PRKCZ: variants seen among roughly 807,000 people sequenced by gnomAD.
The protein encoded by PRKCZ is protein kinase C zeta type.
In PRKCZ, 33 loss-of-function variants were observed where a neutral mutation model predicts 79.5. The observed-to-expected ratio is 0.41, with a 90% CI of 0.31 to 0.55. The LOEUF (loss-of-function observed/expected upper bound fraction) is 0.55. Ranked by LOEUF, PRKCZ falls within the 20% of genes least tolerant of loss-of-function variation. The pLI is 0.19. For synonymous variants in PRKCZ, 342 were observed against 320.9 expected (o/e 1.07, Z -0.70); for missense variants, 578 against 813.5 (o/e 0.71, Z 3.52).
At chr1:2,109,148 C>G (rs916708935) in intron 4 of PRKCZ, among the ~76,000 whole-genome samples, 1 of 152,220 alleles carries the variant, frequency 6.6e-6, no homozygotes, top group Non-Finnish European at 1.5e-5. Flanking sequence ...GTCCCGTATG[C>G]CACGGAAGGT....
At position 2,050,617 on chromosome 1, in the gene PRKCZ, G is replaced by A. The variant is rs1288842172; in HGVS notation, c.-14G>A. The stretch of plus-strand genomic sequence containing the variant: ...CCCGGGGCGCAGCGCTGACGGCGGC[G>A]GGGGGAGCGCGCCATGCCCAGCAGG... On this transcript the variant is annotated 5_prime_UTR_variant, in exon 1 of 18. Transcript: ENST00000378567. 1 of 1,218,518 alleles carries A rather than the reference G, an allele frequency of 8.2e-7. No individual in the cohort carries two copies. The highest frequency in any genetic ancestry group is 1.6e-5 in the African/African-American group (1 of 63,786). 75.5% of individuals were successfully genotyped at this position (1,218,518 alleles called of 1,614,324 possible). A position where few individuals can be genotyped will look rare whatever the true frequency, so the allele number is the denominator to read the frequency against.
At chr1:2,160,365 CAGG>C (rs766976883) in intron 10 of PRKCZ, among the ~76,000 whole-genome samples, 1 of 152,044 alleles carries the variant, frequency 6.6e-6, no homozygotes, top group Non-Finnish European at 1.5e-5. Context: ...TCACCAGCGT[CAGG>C]AGGCGTGGCA....
intron 4 of PRKCZ, among the ~76,000 whole-genome samples, chr1:2,102,120 T>G (rs1311265103): frequency 1.3e-5 from 2 of 152,068 alleles, no homozygotes; most frequent in Non-Finnish European, 2.9e-5. Context: ...ACTTCCATAC[T>G]GGGGGCCAGG....
At chr1:2,122,966 T>C (rs371016022) in intron 4 of PRKCZ, among the ~76,000 whole-genome samples, 6 of 91,102 alleles carry the variant, frequency 6.6e-5, no homozygotes, top group East Asian at 3.6e-4. Flanking sequence ...GTTAGGGTCA[T>C]GGTGGTGGTT....
chr1:2,090,441 G>T (rs1199951306), intron 4 of PRKCZ, among the ~76,000 whole-genome samples: 1 of 152,176 alleles, frequency 6.6e-6, no homozygotes, highest in East Asian at 1.9e-4. Flanking sequence ...CCCGTGCCCT[G>T]TGTCCCCACA....
In PRKCZ at chr1:2,173,989, A is replaced by G. The variant is rs779822929; in HGVS notation, c.1378A>G (p.Met460Val). The stretch of plus-strand genomic sequence containing the variant: ...CGACATCATCACCGACAACCCGGAC[A>G]TGAACACAGAGGACTACCTTTTCCA... Reference protein sequence around the residue: ...PFDIITDNPDMNTEDYLFQVI... With the variant: ...PFDIITDNPDVNTEDYLFQVI... The change falls in exon 14 of 18, where the codon ATG (methionine) becomes GTG (valine). Residue 460 changes from methionine to valine, a missense_variant. Transcript: ENST00000378567. The surrounding 1 kb of genome is among the most constrained non-coding windows in gnomAD (Gnocchi z 5.7). 4.3e-6 allele frequency: 7 copies of G among 1,612,340 alleles called. No individual in the cohort carries two copies. Among genetic ancestry groups the G allele is most frequent in the East Asian group, 4.5e-5 (2 of 44,774 alleles).
chr1:2,054,169 G>A (rs2102204003), intron 1 of PRKCZ, among the ~76,000 whole-genome samples: 1 of 152,352 alleles, frequency 6.6e-6, no homozygotes, highest in South Asian at 2.1e-4. Flanking sequence ...TTGATGGGGA[G>A]CCAGCAGTGT....
At chr1:2,090,056 C>T (rs559023468) in intron 4 of PRKCZ, among the ~76,000 whole-genome samples, 17 of 152,306 alleles carry the variant, frequency 1.1e-4, no homozygotes, top group African/African-American at 3.6e-4. Context: ...CCTTCCTCCC[C>T]GTGCGGCCGT....
intron 4 of PRKCZ, among the ~76,000 whole-genome samples, chr1:2,122,200 TGGTGGTTAGGGTCGTGGC>T (rs1161120875): frequency 8.7e-5 from 1 of 11,544 alleles, no homozygotes; most frequent in Non-Finnish European, 1.3e-4. Context: ...GTTAGGGTGG[TGGTGGTTAGGGTCGTGGC>T]GGTGGTTAGG....
intron 4 of PRKCZ, among the ~76,000 whole-genome samples, chr1:2,109,491 A>C (rs1669283000): frequency 6.6e-6 from 1 of 152,168 alleles, no homozygotes; most frequent in African/African-American, 2.4e-5. Flanking sequence ...GTGAATATTA[A>C]ACATGTGGAT....
At chr1:2,095,453 G>A (rs1200085791) in intron 4 of PRKCZ, among the ~76,000 whole-genome samples, 1 of 152,154 alleles carries the variant, frequency 6.6e-6, no homozygotes, top group African/African-American at 2.4e-5. Context: ...GGTGCCCACC[G>A]AGGGCCCAGG....
Position 2,174,979 on chromosome 1 carries a change from C to A in PRKCZ, c.1485+146C>A. On this transcript the variant is annotated intron_variant, in intron 15 of 17. Transcript: ENST00000378567. This position sits in a 1 kb window ranked among gnomAD's most constrained non-coding sequence, Gnocchi z 6.2. ...GATTTTCCGCTTCAGTATTTGAGCT[C>A]TGTGTTCTGTGAATCGTCCGTTTTT... 1 of 869,178 alleles carries A rather than the reference C, an allele frequency of 1.2e-6. No individual in the cohort carries two copies. The highest frequency in any genetic ancestry group is 1.8e-6 in the Non-Finnish European group (1 of 554,882). The allele number at this position is 869,178 out of a possible 1,614,324, so 53.8% of individuals were successfully genotyped here.
intron 16 of PRKCZ, among the ~76,000 whole-genome samples, chr1:2,181,035 A>G (rs1572049127): frequency 6.6e-6 from 1 of 152,038 alleles, no homozygotes; most frequent in Non-Finnish European, 1.5e-5. Context: ...GTGCCTGACC[A>G]TGCTCTGCCA....
chr1:2,106,372 C>T (rs950614791), intron 4 of PRKCZ, among the ~76,000 whole-genome samples: 4 of 152,188 alleles, frequency 2.6e-5, no homozygotes, highest in African/African-American at 9.6e-5. Context: ...TGGCAACCTG[C>T]ACTCCAGCCG....
chr1:2,071,182 C>T (rs867706991), intron 4 of PRKCZ: 68 of 249,454 alleles, frequency 2.7e-4, no homozygotes, highest in Middle Eastern at 4.6e-4. Flanking sequence ...CCCCGTGCCC[C>T]GTGCCTCAGT....
At chr1:2,081,671 G>A (rs369329065) in intron 4 of PRKCZ, among the ~76,000 whole-genome samples, 1 of 152,132 alleles carries the variant, frequency 6.6e-6, no homozygotes, top group African/African-American at 2.4e-5. Flanking sequence ...TGCGGTTGGG[G>A]GACTGACCCC....
chr1:2,181,745 C>T (rs933298279), intron 16 of PRKCZ: 1 of 451,282 alleles, frequency 2.2e-6, no homozygotes, highest in Non-Finnish European at 4.4e-6. Context: ...CCCACCCCTG[C>T]TGCTTATTAA....
intron 16 of PRKCZ, chr1:2,182,106 T>C (rs1287190433): frequency 3.4e-6 from 1 of 296,398 alleles, no homozygotes; most frequent in Non-Finnish European, 6.8e-6. Context: ...GCCACGTTAG[T>C]AGATGCCATG....
At chr1:2,182,443 G>C (rs61730921) in intron 16 of PRKCZ, 1 of 155,116 alleles carries the variant, frequency 6.4e-6, no homozygotes, top group Non-Finnish European at 1.5e-5. Flanking sequence ...CATCTGTTTG[G>C]GTATGCTGCC....
Sources: gnomAD v4.1 joint callset for allele counts (sites outside exome capture counted in the v4.1 genomes callset) on GRCh38, gnomAD v4.1.1 for gene constraint, Gnocchi (gnomAD v3.1) non-coding constraint, MANE v1.5 for transcripts, NCBI Gene and HGNC (gene_info 2026-07-23, HGNC 2026-07-21) for gene names.